The following FAM135B variants were observed in gnomAD, a reference collection of about 807,000 sequenced individuals.
FAM135B encodes protein FAM135B.
In FAM135B, 43 loss-of-function variants were observed where a neutral mutation model predicts 127.7. The ratio of observed to expected loss-of-function variants is 0.34; its 90% CI spans 0.26 to 0.43. The LOEUF (loss-of-function observed/expected upper bound fraction) is 0.43. Among genes scored for constraint, FAM135B ranks in the 20% least tolerant of loss-of-function variants. The probability of loss-of-function intolerance (pLI) is 1.00; values close to 1 mark genes in which losing one functional copy is unlikely to be tolerated. For synonymous variants in FAM135B, 670 were observed against 665.1 expected (o/e 1.01, Z -0.11); for missense variants, 1,558 against 1,725.6 (o/e 0.90, Z 1.72).
intron 2 of FAM135B, among the ~76,000 whole-genome samples, chr8:138,325,410 GCACCACTGCTCCACCTCCTTCCATCAC>G (rs1449745858): frequency 2.6e-5 from 4 of 152,032 alleles, no homozygotes; most frequent in African/African-American, 9.7e-5. Context: ...ACATCTATCA[GCACCACTGCTCCACCTCCTTCCATCAC>G]CACCACCGCT....
At chr8:138,218,322 T>G (rs1188504973) in intron 7 of FAM135B, among the ~76,000 whole-genome samples, 1 of 152,182 alleles carries the variant, frequency 6.6e-6, no homozygotes, top group Non-Finnish European at 1.5e-5. Flanking sequence ...ATTCAATATT[T>G]ACCATAAGTC....
At chr8:138,156,990 C>A (rs191699310) in intron 12 of FAM135B, among the ~76,000 whole-genome samples, 1,797 of 152,082 alleles carry the variant, frequency 0.012, 39 homozygotes, top group African/African-American at 0.041. Context: ...AGAGACACAT[C>A]GAAAAAAGAG....
intron 3 of FAM135B, among the ~76,000 whole-genome samples, chr8:138,300,327 G>T (rs1015591076): frequency 2.6e-5 from 4 of 151,880 alleles, no homozygotes; most frequent in Non-Finnish European, 4.4e-5. Context: ...CCTAGCCAAG[G>T]TATACATTCA....
chr8:138,191,808 GA>G (rs1174109681), intron 9 of FAM135B, among the ~76,000 whole-genome samples: 2 of 152,202 alleles, frequency 1.3e-5, no homozygotes, highest in African/African-American at 4.8e-5. Context: ...TCTACTTTAT[GA>G]CCACAAAAAA....
At chr8:138,316,327 T>C (rs1340742585) in intron 2 of FAM135B, among the ~76,000 whole-genome samples, 4 of 151,698 alleles carry the variant, frequency 2.6e-5, no homozygotes, top group African/African-American at 9.7e-5. Context: ...ACCCCGTCTC[T>C]ACTAAAAATA....
At chr8:138,453,280 A>G (rs1479046245) in intron 1 of FAM135B, among the ~76,000 whole-genome samples, 1 of 152,176 alleles carries the variant, frequency 6.6e-6, no homozygotes, top group Non-Finnish European at 1.5e-5. Flanking sequence ...AGTTCACATT[A>G]CAAACAGATG....
intron 1 of FAM135B, among the ~76,000 whole-genome samples, chr8:138,473,093 C>T (rs1003092839): frequency 1.3e-5 from 2 of 152,052 alleles, no homozygotes; most frequent in Non-Finnish European, 2.9e-5. Context: ...AAACCATTTC[C>T]ACCTTTTGTT....
intron 2 of FAM135B, among the ~76,000 whole-genome samples, chr8:138,351,606 C>T (rs926194219): frequency 2.0e-5 from 3 of 151,770 alleles, no homozygotes; most frequent in South Asian, 2.1e-4. Context: ...TTGCTTCATA[C>T]ACCCAGTTTT....
At chr8:138,462,158 T>C (rs531906791) in intron 1 of FAM135B, among the ~76,000 whole-genome samples, 1 of 152,308 alleles carries the variant, frequency 6.6e-6, no homozygotes, top group African/African-American at 2.4e-5. Flanking sequence ...ATCTATGTAA[T>C]ATGTTATACA....
At chr8:138,161,549 T>C (rs1586647900) in intron 12 of FAM135B, among the ~76,000 whole-genome samples, 1 of 152,322 alleles carries the variant, frequency 6.6e-6, no homozygotes, top group East Asian at 1.9e-4. Flanking sequence ...ATCCTCCACA[T>C]GGTCTTAGCA....
intron 4 of FAM135B, among the ~76,000 whole-genome samples, chr8:138,258,951 T>C (rs938929720): frequency 1.3e-5 from 2 of 152,168 alleles, no homozygotes; most frequent in African/African-American, 4.8e-5. Context: ...GTAGAAATAA[T>C]ATAAGAAGCT....
At chr8:138,321,175 T>C (rs1439833657) in intron 2 of FAM135B, among the ~76,000 whole-genome samples, 2 of 152,118 alleles carry the variant, frequency 1.3e-5, no homozygotes, top group Non-Finnish European at 2.9e-5. Flanking sequence ...CCTTGCAGAA[T>C]TATTGTGAGG....
intron 1 of FAM135B, among the ~76,000 whole-genome samples, chr8:138,451,005 T>C (rs1234421355): frequency 1.3e-5 from 2 of 152,186 alleles, no homozygotes; most frequent in African/African-American, 2.4e-5. Context: ...AAAACTAATA[T>C]ATGAAGTGCT....
intron 3 of FAM135B, among the ~76,000 whole-genome samples, chr8:138,277,584 G>C (rs941273885): frequency 3.9e-5 from 6 of 152,152 alleles, no homozygotes; most frequent in South Asian, 4.1e-4. Context: ...AAGCCCCTTA[G>C]CTCGAGTCAA....
chr8:138,239,047 C>G (rs1434961010), intron 7 of FAM135B, among the ~76,000 whole-genome samples: 1 of 152,174 alleles, frequency 6.6e-6, no homozygotes, highest in African/African-American at 2.4e-5. Context: ...AAAGAAAATG[C>G]TATACTGTAT....
chr8:138,476,910 A>G (rs1407715355), intron 1 of FAM135B, among the ~76,000 whole-genome samples: 1 of 152,194 alleles, frequency 6.6e-6, no homozygotes, highest in Non-Finnish European at 1.5e-5. Flanking sequence ...CCTGATGAAG[A>G]TTCCTTACTT....
chr8:138,264,445 G>A (rs1226439409), intron 4 of FAM135B, among the ~76,000 whole-genome samples: 1 of 152,184 alleles, frequency 6.6e-6, no homozygotes, highest in Non-Finnish European at 1.5e-5. Context: ...CCTCCAGTGA[G>A]GGTGCAAACT....
chr8:138,334,063 C>G (rs1258047691), intron 2 of FAM135B, among the ~76,000 whole-genome samples: 3 of 152,190 alleles, frequency 2.0e-5, no homozygotes, highest in African/African-American at 7.2e-5. Flanking sequence ...GCTGGGATTA[C>G]ATGCACACAA....
chr8:138,318,303 C>T (rs1827225346), intron 2 of FAM135B, among the ~76,000 whole-genome samples: 1 of 152,174 alleles, frequency 6.6e-6, no homozygotes, highest in African/African-American at 2.4e-5. Flanking sequence ...ATCAGCACCG[C>T]CACCAACTGT....
Sources: gnomAD v4.1 joint callset for allele counts (sites outside exome capture counted in the v4.1 genomes callset) on GRCh38, gnomAD v4.1.1 for gene constraint, MANE v1.5 for transcripts, NCBI Gene and HGNC (gene_info 2026-07-23, HGNC 2026-07-21) for gene names.